The following CCSER1 variants were observed in gnomAD, a reference collection of about 807,000 sequenced individuals.
The protein encoded by CCSER1 is serine-rich coiled-coil domain-containing protein 1.
Under a neutral mutation model 82.0 loss-of-function variants are expected in CCSER1, and 41 were observed. The ratio of observed to expected loss-of-function variants is 0.50; its 90% CI spans 0.39 to 0.65. The LOEUF is 0.65. Ranked by LOEUF, CCSER1 falls within the 30% of genes least tolerant of loss-of-function variation. The pLI is 0.00. For synonymous variants in CCSER1, 414 were observed against 383.9 expected (o/e 1.08, Z -0.92); for missense variants, 1,119 against 1,064.2 (o/e 1.05, Z -0.72).
chr4:91,196,745 C>T (rs140968434), intron 10 of CCSER1, among the ~76,000 whole-genome samples: 4 of 152,318 alleles, frequency 2.6e-5, no homozygotes, highest in Non-Finnish European at 5.9e-5. Context: ...TCAGGTTGAT[C>T]TCACCATTTC....
At chr4:91,092,749 A>C (rs1352614896) in intron 10 of CCSER1, among the ~76,000 whole-genome samples, 1 of 152,150 alleles carries the variant, frequency 6.6e-6, no homozygotes, top group Non-Finnish European at 1.5e-5. Flanking sequence ...GCCTGAAGAA[A>C]GTCTTTTTCC....
intron 10 of CCSER1, among the ~76,000 whole-genome samples, chr4:91,461,570 G>C (rs183337935): frequency 6.6e-6 from 1 of 152,190 alleles, no homozygotes; most frequent in East Asian, 1.9e-4. Context: ...TGGTATTAAG[G>C]TTCCTGACCA....
intron 7 of CCSER1, among the ~76,000 whole-genome samples, chr4:90,810,338 C>T (rs1758088263): frequency 6.6e-6 from 1 of 152,010 alleles, no homozygotes; most frequent in Admixed American, 6.6e-5. Flanking sequence ...ACTATATGCT[C>T]AAATAGGGAA....
chr4:91,088,290 G>C (rs1723581421), intron 10 of CCSER1, among the ~76,000 whole-genome samples: 1 of 152,024 alleles, frequency 6.6e-6, no homozygotes, highest in Non-Finnish European at 1.5e-5. Context: ...GCAATATCAA[G>C]GGCTTATTAC....
chr4:90,724,756 C>T lies in CCSER1; in HGVS notation c.2010+765C>T, dbSNP rs940959813. 8 of 294,102 alleles carry T rather than the reference C, an allele frequency of 2.7e-5. No individual in the cohort carries two copies. The East Asian group carries it at 3.5e-4, about 13-fold the overall frequency. 18.2% of individuals were successfully genotyped at this position (294,102 alleles called of 1,614,324 possible). ...ATTTCAGTATAGTTTGGTTTAAAGA[C>T]GTGCACATTTTAAGATTATCACTTT... On this transcript the variant is annotated intron_variant, in intron 7 of 10. Transcript: ENST00000509176.
chr4:91,303,255 A>T (rs574863576), intron 10 of CCSER1, among the ~76,000 whole-genome samples: 2 of 152,156 alleles, frequency 1.3e-5, no homozygotes, highest in African/African-American at 4.8e-5. Context: ...TGATAAGTTC[A>T]GTCATTGCTA....
rs1250762188 is a variant in CCSER1 at position 91,598,928 on chromosome 4, C to T, written c.2574C>T (p.Thr858=). ...TTGCTACGGCCCGACAGCATTCGACCTTTACAGGCAGGTTTGGACAGCCAC... is the reference window on the plus strand; with the variant it reads ...TTGCTACGGCCCGACAGCATTCGACTTTTACAGGCAGGTTTGGACAGCCAC... ...DQVATARQHS[T]FTGRFGQPPR... The change falls in exon 11 of 11, where the codon ACC becomes ACT. Residue 858 remains threonine, a synonymous_variant. Coordinates refer to ENST00000509176, the MANE Select transcript of CCSER1 (RefSeq NM_001145065.2). The T allele has an allele frequency of 6.4e-7, 1 of 1,551,588 alleles. No homozygotes were observed. Among genetic ancestry groups the T allele is most frequent in the Admixed American group, 2.0e-5 (1 of 50,990 alleles).
At chr4:91,163,449 G>A (rs188051487) in intron 10 of CCSER1, among the ~76,000 whole-genome samples, 106,988 of 150,794 alleles carry the variant, frequency 0.71, 38,398 homozygotes, top group Non-Finnish European at 0.78. Context: ...TATTAGGTCT[G>A]CTTGGTGCAG....
rs1237881041 is a variant in CCSER1, at chr4:90,524,603, G to A, written c.1724+56249G>A. Among the ~76,000 whole-genome samples the A allele has an allele frequency of 2.0e-5, 3 of 151,988 alleles. No individual in the cohort carries two copies. In the East Asian group the frequency reaches 5.8e-4, roughly 29 times the overall value. On this transcript the variant is annotated intron_variant, in intron 5 of 10. Transcript: ENST00000509176. ...CCTGCCTCAACCTCCCGAGTAGCTG[G>A]GACTACGGGCGCGTGCCACTACACC...
intron 7 of CCSER1, among the ~76,000 whole-genome samples, chr4:90,802,861 T>G (rs891811450): frequency 5.3e-5 from 8 of 151,976 alleles, no homozygotes; most frequent in African/African-American, 1.5e-4. Context: ...TTCTCATCTC[T>G]GACCTCTGTC....
intron 10 of CCSER1, among the ~76,000 whole-genome samples, chr4:91,513,266 T>C (rs144785740): frequency 2.3e-3 from 353 of 152,272 alleles, no homozygotes; most frequent in Non-Finnish European, 3.9e-3. Flanking sequence ...ATATGGTGAA[T>C]CACAATTTTT....
rs2149287453 is a variant in CCSER1 at position 90,703,363 on chromosome 4, T to C, written c.1933-20551T>C. Among the ~76,000 whole-genome samples, 3 of 152,310 alleles carry C rather than the reference T, an allele frequency of 2.0e-5. No individual in the cohort carries two copies. In the Middle Eastern group the frequency reaches 0.01, roughly 518 times the overall value. On this transcript the variant is annotated intron_variant, in intron 6 of 10. Coordinates refer to ENST00000509176, the MANE Select transcript of CCSER1 (RefSeq NM_001145065.2). Reference sequence around the variant, plus strand: ...CAGTTTGTTATAATTTCTGTTCTTTTCCATTTGCTGAGGAGTGCTTTACTT... The same window carrying C: ...CAGTTTGTTATAATTTCTGTTCTTTCCCATTTGCTGAGGAGTGCTTTACTT...
intron 10 of CCSER1, among the ~76,000 whole-genome samples, chr4:91,288,685 A>G (rs1000593348): frequency 1.3e-5 from 2 of 152,078 alleles, no homozygotes; most frequent in African/African-American, 4.8e-5. Context: ...ATTCAAAACA[A>G]AAGCCTAAAA....
intron 3 of CCSER1, among the ~76,000 whole-genome samples, chr4:90,345,874 A>C (rs1742239188): frequency 6.6e-6 from 1 of 152,124 alleles, no homozygotes; most frequent in Non-Finnish European, 1.5e-5. Context: ...AAATCATTTC[A>C]GAAATTAACC....
At chr4:90,445,844 T>G (rs945648425) in intron 4 of CCSER1, among the ~76,000 whole-genome samples, 1 of 152,164 alleles carries the variant, frequency 6.6e-6, no homozygotes, top group Non-Finnish European at 1.5e-5. Flanking sequence ...ATATCTTGAC[T>G]TGATTATGTA....
chr4:91,366,090 C>A (rs1331286514), intron 10 of CCSER1, among the ~76,000 whole-genome samples: 1 of 152,158 alleles, frequency 6.6e-6, no homozygotes, highest in African/African-American at 2.4e-5. Context: ...ACGATCTTGG[C>A]TCACTGCAAC....
At chr4:91,122,848 C>T (rs1462388305) in intron 10 of CCSER1, among the ~76,000 whole-genome samples, 1 of 151,736 alleles carries the variant, frequency 6.6e-6, no homozygotes, top group Non-Finnish European at 1.5e-5. Flanking sequence ...CAAGAGTGGA[C>T]ATGTGAATAA....
chr4:91,151,412 A>G (rs921532465), intron 10 of CCSER1, among the ~76,000 whole-genome samples: 2 of 151,980 alleles, frequency 1.3e-5, no homozygotes, highest in African/African-American at 4.8e-5. Flanking sequence ...GATCTTTTCA[A>G]AAAACCAGCT....
intron 6 of CCSER1, among the ~76,000 whole-genome samples, chr4:90,640,653 A>C (rs1384805584): frequency 2.6e-5 from 4 of 152,034 alleles, no homozygotes; most frequent in Non-Finnish European, 4.4e-5. Context: ...GACCATGTGG[A>C]GGTAATTGAA....
Sources: allele counts gnomAD v4.1 joint callset (sites outside exome capture counted in the v4.1 genomes callset), GRCh38; gene constraint gnomAD v4.1.1; transcripts MANE v1.5; gene names NCBI Gene and HGNC (gene_info 2026-07-23, HGNC 2026-07-21).